The following ST6GALNAC3 variants were observed in gnomAD, a reference collection of about 807,000 sequenced individuals.
The protein encoded by ST6GALNAC3 is alpha-N-acetylgalactosaminide alpha-2,6-sialyltransferase 3.
In ST6GALNAC3, 25 loss-of-function variants were observed where a neutral mutation model predicts 32.7. The observed-to-expected ratio is 0.76, with a 90% CI of 0.56 to 1.07. The LOEUF (loss-of-function observed/expected upper bound fraction) is 1.07. ST6GALNAC3 is among the 50% of genes least tolerant of loss of function. The pLI is 0.00. For synonymous variants in ST6GALNAC3, 129 were observed against 133.1 expected, an observed-to-expected ratio of 0.97 and a Z score of 0.21; for missense variants, 355 against 382.4, an observed-to-expected ratio of 0.93 and a Z score of 0.60.
intron 1 of ST6GALNAC3, among the ~76,000 whole-genome samples, chr1:76,305,105 T>C (rs942450592): frequency 1.3e-5 from 2 of 151,998 alleles, no homozygotes; most frequent in Non-Finnish European, 2.9e-5. Flanking sequence ...TTGGAGAACA[T>C]TTCTTCCCAT....
chr1:76,510,315 G>A (rs1201635554), intron 3 of ST6GALNAC3, among the ~76,000 whole-genome samples: 2 of 152,096 alleles, frequency 1.3e-5, no homozygotes, highest in Non-Finnish European at 2.9e-5. Context: ...AGATATTGTG[G>A]CCTTTGATTT....
At chr1:76,362,265 G>C (rs1414023554) in intron 2 of ST6GALNAC3, among the ~76,000 whole-genome samples, 1 of 152,046 alleles carries the variant, frequency 6.6e-6, no homozygotes, top group Non-Finnish European at 1.5e-5. Flanking sequence ...CAATACCAAG[G>C]GGGATGGTGT....
intron 3 of ST6GALNAC3, among the ~76,000 whole-genome samples, chr1:76,567,851 A>G (rs377725647): frequency 1.1e-4 from 16 of 152,204 alleles, no homozygotes; most frequent in East Asian, 7.7e-4. Context: ...TAAATTCTCA[A>G]GCTTGGAATT....
intron 1 of ST6GALNAC3, among the ~76,000 whole-genome samples, chr1:76,146,003 T>C (rs1191493431): frequency 6.6e-6 from 1 of 152,218 alleles, no homozygotes; most frequent in Non-Finnish European, 1.5e-5. Context: ...GGTCTTTGCT[T>C]TTGAAAACGT....
intron 1 of ST6GALNAC3, among the ~76,000 whole-genome samples, chr1:76,256,892 G>A (rs1021843035): frequency 4.6e-5 from 7 of 152,082 alleles, no homozygotes; most frequent in Non-Finnish European, 1.0e-4. Flanking sequence ...TCAGTACTTT[G>A]GATACCCTGT....
chr1:76,130,378 G>T (rs1649533783), intron 1 of ST6GALNAC3, among the ~76,000 whole-genome samples: 1 of 152,210 alleles, frequency 6.6e-6, no homozygotes, highest in Non-Finnish European at 1.5e-5. Context: ...TTTCAGGTAA[G>T]AATGGCTCTC....
chr1:76,137,963 A>G (rs12142643), intron 1 of ST6GALNAC3, among the ~76,000 whole-genome samples: 54,831 of 152,176 alleles, frequency 0.36, 12,321 homozygotes, highest in South Asian at 0.52. Flanking sequence ...CTACTATTGC[A>G]TAACTTCAAC....
chr1:76,601,804 TAA>T (rs1647247993), intron 3 of ST6GALNAC3, among the ~76,000 whole-genome samples: 1 of 152,038 alleles, frequency 6.6e-6, no homozygotes, highest in African/African-American at 2.4e-5. Flanking sequence ...GGAAAGGAGA[TAA>T]AGAGACTAGC....
At chr1:76,219,820 G>C (rs772839080) in intron 1 of ST6GALNAC3, among the ~76,000 whole-genome samples, 38 of 152,162 alleles carry the variant, frequency 2.5e-4, no homozygotes, top group Non-Finnish European at 4.4e-5. Context: ...CTTTAACGCA[G>C]TCATAGTTCT....
chr1:76,181,751 G>T (rs1653195364), intron 1 of ST6GALNAC3, among the ~76,000 whole-genome samples: 1 of 152,110 alleles, frequency 6.6e-6, no homozygotes, highest in East Asian at 1.9e-4. Flanking sequence ...GCTAATAATT[G>T]CTAGCTATTA....
At chr1:76,611,316 A>C (rs1402972708) in intron 3 of ST6GALNAC3, among the ~76,000 whole-genome samples, 1 of 152,062 alleles carries the variant, frequency 6.6e-6, no homozygotes, top group Non-Finnish European at 1.5e-5. Flanking sequence ...TTGTTTCTTC[A>C]TATGCTGGGT....
At chr1:76,371,828 G>A (rs994314722) in intron 2 of ST6GALNAC3, among the ~76,000 whole-genome samples, 2 of 152,092 alleles carry the variant, frequency 1.3e-5, no homozygotes, top group African/African-American at 2.4e-5. Flanking sequence ...CCTCAGTTTC[G>A]TGGTGGTAAT....
chr1:76,302,729 C>T lies in ST6GALNAC3; in HGVS notation c.19-11076C>T, dbSNP rs1307492385. 5.9e-5 allele frequency among the ~76,000 whole-genome samples: 9 copies of T among 151,998 alleles called. No individual in the cohort carries two copies. The East Asian group carries it at 1.6e-3, about 26-fold the overall frequency. ...TTTTCCCCAATTTTAGGTAAGAAAA[C>T]GTATGCTGTGTGCCCAGGGTTGCAC... On this transcript the variant is annotated intron_variant, in intron 1 of 4. Transcript: ENST00000328299.
chr1:76,604,210 G>A (rs544539564), intron 3 of ST6GALNAC3, among the ~76,000 whole-genome samples: 1 of 152,210 alleles, frequency 6.6e-6, no homozygotes, highest in African/African-American at 2.4e-5. Context: ...AAGAACACAA[G>A]ATTACCAAAA....
At chr1:76,546,767 G>A (rs571938498) in intron 3 of ST6GALNAC3, among the ~76,000 whole-genome samples, 2 of 152,332 alleles carry the variant, frequency 1.3e-5, no homozygotes, top group South Asian at 2.1e-4. Flanking sequence ...GAGAAGTCCA[G>A]GTTGAGGCTG....
At chr1:76,499,649 C>G (rs1247655795) in intron 3 of ST6GALNAC3, among the ~76,000 whole-genome samples, 1 of 152,030 alleles carries the variant, frequency 6.6e-6, no homozygotes, top group Admixed American at 6.6e-5. Flanking sequence ...AAAACATTTC[C>G]CTTGCTGATT....
chr1:76,352,507 T>G (rs1649071652), intron 2 of ST6GALNAC3, among the ~76,000 whole-genome samples: 1 of 148,886 alleles, frequency 6.7e-6, no homozygotes, highest in Non-Finnish European at 1.5e-5. Flanking sequence ...CTTTTTTTTT[T>G]TTTTTTTTTT....
At chr1:76,572,987 C>T (rs143445676) in intron 3 of ST6GALNAC3, among the ~76,000 whole-genome samples, 10 of 152,174 alleles carry the variant, frequency 6.6e-5, no homozygotes, top group African/African-American at 1.7e-4. Flanking sequence ...CAGACCATAG[C>T]CCAGAAAGTT....
chr1:76,138,594 C>T (rs1650095171), intron 1 of ST6GALNAC3, among the ~76,000 whole-genome samples: 1 of 152,188 alleles, frequency 6.6e-6, no homozygotes, highest in African/African-American at 2.4e-5. Flanking sequence ...ATGCAAATCC[C>T]AACAGCCTTC....
Sources: gnomAD v4.1 joint callset for allele counts (sites outside exome capture counted in the v4.1 genomes callset) on GRCh38, gnomAD v4.1.1 for gene constraint, MANE v1.5 for transcripts, NCBI Gene and HGNC (gene_info 2026-07-23, HGNC 2026-07-21) for gene names.